Variants in GPC6 observed in about 807,000 individuals in gnomAD.
The protein encoded by GPC6 is glypican 6.
A neutral mutation model predicts 55.2 loss-of-function variants in GPC6; 14 were observed. The observed-to-expected ratio is 0.25, with a 90% CI of 0.17 to 0.40. The LOEUF is 0.40. Among genes scored for constraint, GPC6 ranks in the 10% least tolerant of loss-of-function variants. GPC6 has a pLI of 1.00. For synonymous variants in GPC6, 278 were observed against 259.6 expected (o/e 1.07, Z -0.68); for missense variants, 641 against 708.5 (o/e 0.90, Z 1.08).
chr13:93,802,088 CT>C (rs1886391318), intron 2 of GPC6, among the ~76,000 whole-genome samples: 2 of 152,048 alleles, frequency 1.3e-5, no homozygotes, highest in African/African-American at 4.8e-5. Context: ...TTTATTTTTA[CT>C]TTAATTTTTA....
intron 2 of GPC6, among the ~76,000 whole-genome samples, chr13:93,678,513 G>T (rs1232527758): frequency 6.6e-6 from 1 of 152,056 alleles, no homozygotes; most frequent in Non-Finnish European, 1.5e-5. Context: ...TCAACTGAAG[G>T]GCTTAAGTTT....
intron 2 of GPC6, among the ~76,000 whole-genome samples, chr13:93,807,487 T>G (rs1006240786): frequency 5.3e-5 from 8 of 152,178 alleles, no homozygotes; most frequent in African/African-American, 1.9e-4. Flanking sequence ...GTCAGTAGTT[T>G]TAGTGGGCAT....
chr13:94,376,616 C>T (rs1594219743), intron 6 of GPC6, among the ~76,000 whole-genome samples: 1 of 151,654 alleles, frequency 6.6e-6, no homozygotes, highest in East Asian at 1.9e-4. Flanking sequence ...TGAAAATGGC[C>T]ATACTGCCCA....
At chr13:94,149,273 A>G (rs911312479) in intron 4 of GPC6, among the ~76,000 whole-genome samples, 23 of 152,114 alleles carry the variant, frequency 1.5e-4, no homozygotes, top group African/African-American at 5.3e-4. Context: ...AGAGGACACA[A>G]TGGAGATACC....
At chr13:93,866,812 C>A (rs994655016) in intron 3 of GPC6, among the ~76,000 whole-genome samples, 10 of 151,632 alleles carry the variant, frequency 6.6e-5, no homozygotes, top group African/African-American at 2.4e-4. Flanking sequence ...GTATCACAAA[C>A]CCCCATTACG....
intron 1 of GPC6, among the ~76,000 whole-genome samples, chr13:93,419,628 T>C (rs561694684): frequency 1.3e-4 from 20 of 152,264 alleles, no homozygotes; most frequent in African/African-American, 4.6e-4. Context: ...AGCATCTCCA[T>C]GCGGATTGAA....
intron 2 of GPC6, among the ~76,000 whole-genome samples, chr13:93,726,151 C>T (rs966599395): frequency 8.8e-5 from 12 of 135,796 alleles, no homozygotes; most frequent in South Asian, 2.5e-4. Context: ...CACACACACA[C>T]ATATCAAGCA....
intron 3 of GPC6, among the ~76,000 whole-genome samples, chr13:93,993,511 G>C (rs1409311024): frequency 6.6e-6 from 1 of 151,746 alleles, no homozygotes; most frequent in Non-Finnish European, 1.5e-5. Flanking sequence ...GGCCAAACTG[G>C]TGCCAAACTC....
chr13:93,653,854 C>A (rs1008652439), intron 2 of GPC6, among the ~76,000 whole-genome samples: 4 of 152,034 alleles, frequency 2.6e-5, no homozygotes, highest in Admixed American at 6.6e-5. Flanking sequence ...CAAAGAAATT[C>A]ATAAAAATAA....
At chr13:94,111,207 TC>T (rs1482913692) in intron 4 of GPC6, among the ~76,000 whole-genome samples, 1 of 152,070 alleles carries the variant, frequency 6.6e-6, no homozygotes, top group Non-Finnish European at 1.5e-5. Context: ...TTGTAGGTGT[TC>T]TTTATAGAAT....
chr13:93,767,599 G>A (rs1221697429), intron 2 of GPC6, among the ~76,000 whole-genome samples: 2 of 152,056 alleles, frequency 1.3e-5, no homozygotes, highest in African/African-American at 2.4e-5. Flanking sequence ...AATGGCAAAC[G>A]CTTGCTCCAA....
intron 1 of GPC6, among the ~76,000 whole-genome samples, chr13:93,244,784 A>G (rs1876544066): frequency 6.6e-6 from 1 of 151,440 alleles, no homozygotes; most frequent in Non-Finnish European, 1.5e-5. Flanking sequence ...TGCTCCTTTC[A>G]CAGTATCCAA....
chr13:93,234,797 T>C (rs980815268), intron 1 of GPC6, among the ~76,000 whole-genome samples: 1 of 152,072 alleles, frequency 6.6e-6, no homozygotes, highest in Non-Finnish European at 1.5e-5. Flanking sequence ...ATAAAAATAC[T>C]TTAGCATAGT....
At chr13:93,877,449 A>C (rs1443930566) in intron 3 of GPC6, among the ~76,000 whole-genome samples, 1 of 151,926 alleles carries the variant, frequency 6.6e-6, no homozygotes, top group Non-Finnish European at 1.5e-5. Context: ...TAATTAAAAA[A>C]TATAACACAC....
intron 1 of GPC6, among the ~76,000 whole-genome samples, chr13:93,248,437 G>GTTTTTTTTTTT (rs74531292): frequency 1.5e-5 from 2 of 137,178 alleles, no homozygotes. Context: ...CACAAAAAGT[G>GTTTTTTTTTTT]TTTTTTTTTT....
intron 1 of GPC6, among the ~76,000 whole-genome samples, chr13:93,524,481 G>A (rs906834568): frequency 6.6e-6 from 1 of 151,960 alleles, no homozygotes; most frequent in African/African-American, 2.4e-5. Flanking sequence ...CAGTCCTTAT[G>A]TCATCCTCTC....
At chr13:93,844,525 T>C (rs981894830) in intron 3 of GPC6, among the ~76,000 whole-genome samples, 12 of 151,848 alleles carry the variant, frequency 7.9e-5, no homozygotes, top group Non-Finnish European at 1.6e-4. Flanking sequence ...TTTGAGTTCA[T>C]TGTAGATTCT....
intron 1 of GPC6, among the ~76,000 whole-genome samples, chr13:93,309,635 G>A (rs1217707748): frequency 6.6e-6 from 1 of 151,926 alleles, no homozygotes; most frequent in Admixed American, 6.6e-5. Context: ...TATTAACTTG[G>A]GAAAAACATA....
intron 6 of GPC6, among the ~76,000 whole-genome samples, chr13:94,336,208 A>ATTGT (rs1369707893): frequency 6.6e-6 from 1 of 151,960 alleles, no homozygotes; most frequent in Non-Finnish European, 1.5e-5. Flanking sequence ...CTTTGCTGAA[A>ATTGT]TTGTTTAATC....
Sources: gnomAD v4.1 joint callset for allele counts (sites outside exome capture counted in the v4.1 genomes callset) on GRCh38, gnomAD v4.1.1 for gene constraint, MANE v1.5 for transcripts, NCBI Gene and HGNC (gene_info 2026-07-23, HGNC 2026-07-21) for gene names.